The following BNC2 variants were observed in gnomAD, a reference collection of about 807,000 sequenced individuals.
BNC2 encodes basonuclin zinc finger protein 2.
BNC2 carries 20 observed loss-of-function variants against 76.3 expected under a neutral mutation model. The ratio of observed to expected loss-of-function variants is 0.26; its 90% confidence interval spans 0.18 to 0.38. BNC2 has a LOEUF of 0.38. Ranked by LOEUF, BNC2 falls within the 10% of genes least tolerant of loss-of-function variation. The probability of loss-of-function intolerance (pLI) is 1.00; values close to 1 mark genes in which losing one functional copy is unlikely to be tolerated. For missense variants in BNC2, 1,382 were observed against 1,399.8 expected (o/e 0.99, Z 0.20); for synonymous variants, 582 against 514.8 (o/e 1.13, Z -1.77).
Position 16,863,690 on chromosome 9 carries a change from G to A in BNC2, c.3+6956C>T, listed in dbSNP as rs116586752. On this transcript the variant is annotated intron_variant, in intron 1 of 6. Transcript: ENST00000380672. ...AGTTTGGGCGACAGAGCGAGATTCC[G>A]TTTCAAAAAAAACCTTAACAGAGAA... 7.5e-3 allele frequency among the ~76,000 whole-genome samples: 1,144 copies of A among 152,066 alleles called. 11 individuals are homozygous for A. Among genetic ancestry groups the A allele is most frequent in the African/African-American group, 0.026 (1,059 of 41,480 alleles).
chr9:16,728,261 A>C, intron 2 of BNC2: 1 of 539,044 alleles, frequency 1.9e-6, no homozygotes, highest in East Asian at 3.4e-5. Flanking sequence ...CATCAGCTTC[A>C]AACTCTCAGC....
At chr9:16,729,769 A>C (rs1824454135) in intron 2 of BNC2, among the ~76,000 whole-genome samples, 1 of 151,898 alleles carries the variant, frequency 6.6e-6, no homozygotes, top group Non-Finnish European at 1.5e-5. Flanking sequence ...TACCCACTTA[A>C]ACTCCCTCTA....
chr9:16,584,813 T>C (rs747216048), intron 3 of BNC2, among the ~76,000 whole-genome samples: 22 of 152,158 alleles, frequency 1.4e-4, no homozygotes, highest in Non-Finnish European at 2.1e-4. Context: ...TTGATTGTAC[T>C]GTGACCAAAA....
chr9:16,519,471 C>T (rs1817549038), intron 5 of BNC2, among the ~76,000 whole-genome samples: 1 of 152,198 alleles, frequency 6.6e-6, no homozygotes, highest in Admixed American at 6.5e-5. Flanking sequence ...AGACAACCCT[C>T]ACTTCTGGGA....
chr9:16,650,965 G>A (rs1170512717), intron 3 of BNC2, among the ~76,000 whole-genome samples: 1 of 152,076 alleles, frequency 6.6e-6, no homozygotes, highest in South Asian at 2.1e-4. Context: ...TTTCTAGTCA[G>A]ATAACTCTTT....
At chr9:16,498,187 C>T (rs192450582) in intron 5 of BNC2, among the ~76,000 whole-genome samples, 7 of 108,948 alleles carry the variant, frequency 6.4e-5, no homozygotes, top group African/African-American at 1.8e-4. Context: ...ATATATATTC[C>T]ATCATATATA....
At chr9:16,631,674 T>C (rs1031443671) in intron 3 of BNC2, among the ~76,000 whole-genome samples, 1 of 152,220 alleles carries the variant, frequency 6.6e-6, no homozygotes, top group Non-Finnish European at 1.5e-5. Flanking sequence ...TCGTGTCCAA[T>C]GTTTGGGTTT....
At chr9:16,500,134 A>C (rs1822487736) in intron 5 of BNC2, among the ~76,000 whole-genome samples, 2 of 151,626 alleles carry the variant, frequency 1.3e-5, no homozygotes, top group South Asian at 4.2e-4. Flanking sequence ...ATGCATGCTG[A>C]CTCTACCCTG....
rs201074163 is a variant in BNC2 at position 16,775,597 on chromosome 9, T to G, written c.4-37112A>C. ...CTTAATACTCATCAAGAGTATCTGC[T>G]CAAGGAATGGAAAGACCTTGATCCC... On this transcript the variant is annotated intron_variant, in intron 1 of 6. Coordinates refer to ENST00000380672, the MANE Select transcript of BNC2 (RefSeq NM_017637.6). 2.3e-5 allele frequency: 4 copies of G among 174,006 alleles called. No individual in the cohort carries two copies. In the East Asian group the frequency reaches 5.6e-4, roughly 24 times the overall value. 10.8% of individuals were successfully genotyped at this position (174,006 alleles called of 1,614,324 possible).
chr9:16,461,275 G>T (rs566190211), intron 5 of BNC2, among the ~76,000 whole-genome samples: 1 of 152,194 alleles, frequency 6.6e-6, no homozygotes, highest in African/African-American at 2.4e-5. Flanking sequence ...GTGTGTGTAA[G>T]AACAAGAATG....
At chr9:16,551,194 G>C (rs941354929) in intron 5 of BNC2, among the ~76,000 whole-genome samples, 1 of 152,036 alleles carries the variant, frequency 6.6e-6, no homozygotes, top group Non-Finnish European at 1.5e-5. Flanking sequence ...ATCTTTTGAG[G>C]GCCAAATTTT....
intron 3 of BNC2, among the ~76,000 whole-genome samples, chr9:16,697,580 G>C (rs1476669013): frequency 1.4e-5 from 2 of 144,236 alleles, no homozygotes; most frequent in Non-Finnish European, 1.5e-5. Context: ...AAAAGGCTGG[G>C]TATGGTGGCA....
intron 2 of BNC2, among the ~76,000 whole-genome samples, chr9:16,736,603 G>A (rs991685554): frequency 2.6e-5 from 4 of 151,174 alleles, no homozygotes; most frequent in African/African-American, 4.9e-5. Context: ...AGCCTCCTCA[G>A]TAGCTGAGAT....
At chr9:16,682,168 A>C (rs1190608082) in intron 3 of BNC2, among the ~76,000 whole-genome samples, 1 of 151,660 alleles carries the variant, frequency 6.6e-6, no homozygotes, top group Non-Finnish European at 1.5e-5. Context: ...TTTAGTTCAT[A>C]CTGTTGTTAA....
At chr9:16,696,555 A>G (rs1270345256) in intron 3 of BNC2, among the ~76,000 whole-genome samples, 2 of 152,148 alleles carry the variant, frequency 1.3e-5, no homozygotes, top group African/African-American at 4.8e-5. Context: ...GCACCACATG[A>G]CCTTGAACCT....
intron 1 of BNC2, among the ~76,000 whole-genome samples, chr9:16,777,317 A>G (rs1447699293): frequency 6.6e-6 from 1 of 152,190 alleles, no homozygotes; most frequent in Non-Finnish European, 1.5e-5. Context: ...ATTCTGCCAC[A>G]TGAGTTGTAA....
At chr9:16,781,281 G>C (rs2135553120) in intron 1 of BNC2, among the ~76,000 whole-genome samples, 1 of 82,668 alleles carries the variant, frequency 1.2e-5, no homozygotes, top group South Asian at 3.8e-4. Flanking sequence ...GCAGGTGGCA[G>C]ACAATGCATA....
chr9:16,797,389 G>A (rs1817684048), intron 1 of BNC2, among the ~76,000 whole-genome samples: 1 of 152,134 alleles, frequency 6.6e-6, no homozygotes, highest in Non-Finnish European at 1.5e-5. Context: ...ACATCCCTCT[G>A]AAAATACATA....
intron 3 of BNC2, among the ~76,000 whole-genome samples, chr9:16,590,954 G>A (rs2133172289): frequency 6.6e-6 from 1 of 152,294 alleles, no homozygotes; most frequent in East Asian, 1.9e-4. Flanking sequence ...CATTGTGGAT[G>A]CAGAGAGTGA....
Sources: allele counts gnomAD v4.1 joint callset (sites outside exome capture counted in the v4.1 genomes callset), GRCh38; gene constraint gnomAD v4.1.1; transcripts MANE v1.5; gene names NCBI Gene and HGNC (gene_info 2026-07-23, HGNC 2026-07-21).